Variants in HNF1A observed in about 807,000 individuals in gnomAD.
HNF1A encodes the protein HNF1 homeobox A, also known as hepatocyte nuclear factor 1-alpha.
A neutral mutation model predicts 62.2 loss-of-function variants in HNF1A; 21 were observed. The ratio of observed to expected loss-of-function variants is 0.34; its 90% CI spans 0.24 to 0.49. HNF1A has a LOEUF of 0.49. HNF1A is among the 20% of genes least tolerant of loss of function. The pLI is 0.99. For missense variants in HNF1A, 687 were observed against 832.3 expected, an observed-to-expected ratio of 0.83 and a Z score of 2.15; for synonymous variants, 374 against 366.8, an observed-to-expected ratio of 1.02 and a Z score of -0.22.
At chr12:120,994,581 T>G (rs1323828026) in intron 4 of HNF1A, among the ~76,000 whole-genome samples, 176 bp downstream of exon 4, 1 of 151,812 alleles carries the variant, frequency 6.6e-6, no homozygotes, top group African/African-American at 2.4e-5. Flanking sequence ...TCTATCTCAT[T>G]CCATTCACTC....
At chr12:120,984,245 C>T (rs182121541) in intron 1 of HNF1A, among the ~76,000 whole-genome samples, 8 of 152,194 alleles carry the variant, frequency 5.3e-5, no homozygotes, top group Admixed American at 2.6e-4. Flanking sequence ...AGCCTGTCTT[C>T]GGTTTCTAAG....
chr12:120,984,530 G>A (rs1326296843), intron 1 of HNF1A, among the ~76,000 whole-genome samples: 1 of 152,124 alleles, frequency 6.6e-6, no homozygotes, highest in Non-Finnish European at 1.5e-5. Context: ...TGGCACAGGA[G>A]GGTGATGGCT....
chr12:120,986,511 C>T (rs936517377), intron 1 of HNF1A, among the ~76,000 whole-genome samples: 1 of 152,196 alleles, frequency 6.6e-6, no homozygotes, highest in Non-Finnish European at 1.5e-5. Flanking sequence ...TCACGCAGAC[C>T]CAAGTTCAAA....
chr12:120,996,646 A>G lies in HNF1A; in HGVS notation c.1213A>G (p.Met405Val). Residue 405 changes from methionine to valine, a missense_variant, in exon 6 of 10, where the codon ATG (methionine) becomes GTG (valine). By Grantham distance (21) the Met-to-Val change is conservative (BLOSUM62 1). Transcript: ENST00000257555. This position sits in a 1 kb window ranked among gnomAD's most constrained non-coding sequence, Gnocchi z 4.5. ...GLNQQPQNLI[M>V]ASLPGVMTIG... Reference sequence around the variant, plus strand: ...CAACCAGCAGCCCCAGAACCTCATCATGGCCTCACTTCCTGGGGTCATGAC... The same window carrying G: ...CAACCAGCAGCCCCAGAACCTCATCGTGGCCTCACTTCCTGGGGTCATGAC... 6.2e-7 allele frequency: 1 copy of G among 1,613,928 alleles called. No individual in the cohort carries two copies. Among genetic ancestry groups the G allele is most frequent in the Non-Finnish European group, 8.5e-7 (1 of 1,179,980 alleles).
rs1565885615 is a variant in HNF1A, at chr12:120,993,723, G to C, written c.713+17G>C. On this transcript the variant is annotated intron_variant, in intron 3 of 9. Transcript: ENST00000257555. ...GTGCAATAGGTACAACGGCGGGCGG[G>C]AAACAGTGCTGGTTTGGTCTGGGCT... is the stretch of plus-strand genomic sequence containing the variant. 1 of 1,612,738 alleles carries C rather than the reference G, an allele frequency of 6.2e-7. No individual in the cohort carries two copies.
intron 9 of HNF1A, 123 bp from the exon 10 acceptor site, chr12:121,000,942 T>G: frequency 7.3e-7 from 1 of 1,368,266 alleles, no homozygotes; most frequent in Non-Finnish European, 1.0e-6. Flanking sequence ...TTGGGGTTCC[T>G]GTTATCTGCT....
intron 6 of HNF1A, chr12:120,997,127 T>C (rs1877150540): frequency 1.4e-6 from 2 of 1,397,382 alleles, no homozygotes; most frequent in South Asian, 1.5e-5. Flanking sequence ...GTACATAAGA[T>C]AGATAAGGAG....
chr12:120,990,722 C>T (rs887072257), intron 2 of HNF1A, among the ~76,000 whole-genome samples: 2 of 147,938 alleles, frequency 1.4e-5, no homozygotes, highest in Non-Finnish European at 3.0e-5. Context: ...AGAAAAAGAA[C>T]GAGAGAAAGA....
At chr12:120,994,780 T>G (rs1421662280) in intron 4 of HNF1A, among the ~76,000 whole-genome samples, 2 of 150,694 alleles carry the variant, frequency 1.3e-5, no homozygotes, top group Non-Finnish European at 3.0e-5. Flanking sequence ...CTCTACTCCA[T>G]CTACTACCTT....
intron 6 of HNF1A, 102 bp from the exon 7 acceptor site, chr12:120,997,372 A>C: frequency 7.2e-7 from 1 of 1,391,790 alleles, no homozygotes; most frequent in Non-Finnish European, 9.5e-7. Context: ...CCCTCCTCCA[A>C]ACCACGGGCT....
At chr12:120,992,081 CAG>C (rs1404259151) in intron 2 of HNF1A, among the ~76,000 whole-genome samples, 1 of 152,178 alleles carries the variant, frequency 6.6e-6, no homozygotes, top group African/African-American at 2.4e-5. Flanking sequence ...CTTTCAGTAA[CAG>C]GGGACAGAAC....
chr12:120,986,052 G>C (rs1235627231), intron 1 of HNF1A, among the ~76,000 whole-genome samples: 1 of 151,822 alleles, frequency 6.6e-6, no homozygotes, highest in Non-Finnish European at 1.5e-5. Context: ...AATTTACAAA[G>C]TACACAAGGA....
In HNF1A at chr12:121,001,733, A is replaced by G; in HGVS notation, c.*541A>G. 1 of 529,044 alleles carries G rather than the reference A, an allele frequency of 1.9e-6. No homozygotes were observed. The allele number at this position is 529,044 out of a possible 1,614,324, so 32.8% of individuals were successfully genotyped here. On this transcript the variant is annotated 3_prime_UTR_variant, in exon 10 of 10. Transcript: ENST00000257555. ...CCCACATGCCATTTGTACTGACCCC[A>G]TCACCTACTCACACAGGCATTTCCT...
Position 120,996,138 on chromosome 12 carries a change from C to T in HNF1A, c.956-124C>T. On this transcript the variant is annotated intron_variant, in intron 4 of 9. Transcript: ENST00000257555. The surrounding 1 kb of genome is among the most constrained non-coding windows in gnomAD (Gnocchi z 4.5). ...GTAGAAACAAAGGCAGATTTGCTGG[C>T]TGCATAAAGGCAGACAGGCAGCTGG... 1 of 1,173,628 alleles carries T rather than the reference C, an allele frequency of 8.5e-7. No homozygotes were observed. Among genetic ancestry groups the T allele is most frequent in the South Asian group, 1.3e-5 (1 of 78,710 alleles). 72.7% of individuals were successfully genotyped at this position (1,173,628 alleles called of 1,614,324 possible).
At position 120,994,316 on chromosome 12, in the gene HNF1A, C is replaced by T. The variant is rs267603343; in HGVS notation, c.866C>T (p.Pro289Leu). The T allele has an allele frequency of 5.0e-6, 8 of 1,610,226 alleles. No homozygotes were observed. Among genetic ancestry groups the T allele is most frequent in the African/African-American group, 2.7e-5 (2 of 74,862 alleles). Residue 289 changes from proline (P) to leucine (L), a missense_variant, in exon 4 of 10, where the codon CCC becomes CTC. Physicochemically the swap from Pro to Leu is moderately conservative, Grantham distance 98 (BLOSUM62 -3). Around this residue, in one of 5 missense-constraint regions of HNF1A, gnomAD observed 408 missense variants for 455.3 expected, o/e 0.90. Transcript: ENST00000257555. Reference sequence around the variant, plus strand: ...CTGGCCATGGACACGTACAGCGGGCCCCCCCCAGGGCCAGGCCCGGGACCT... The same window carrying T: ...CTGGCCATGGACACGTACAGCGGGCTCCCCCCAGGGCCAGGCCCGGGACCT... ...HKLAMDTYSG[P>L]PPGPGPGPAL...
At chr12:120,995,145 A>C (rs2135843799) in intron 4 of HNF1A, among the ~76,000 whole-genome samples, 2 of 141,032 alleles carry the variant, frequency 1.4e-5, no homozygotes, top group South Asian at 4.5e-4. Flanking sequence ...ACTACATTCA[A>C]CTCCACTCCA....
At chr12:120,994,490 TC>T in intron 4 of HNF1A, 85 bp downstream of exon 4, 2 of 1,464,906 alleles carry the variant, frequency 1.4e-6, no homozygotes, top group Non-Finnish European at 1.8e-6. Flanking sequence ...CACCTAAACC[TC>T]TTTGCACTTC....
intron 1 of HNF1A, among the ~76,000 whole-genome samples, chr12:120,984,223 T>C (rs1434079065): frequency 6.6e-6 from 1 of 152,190 alleles, no homozygotes; most frequent in Non-Finnish European, 1.5e-5. Flanking sequence ...GCTTTCCATT[T>C]TCACATTCAA....
rs1183314676 is a variant in HNF1A at position 120,978,634 on chromosome 12, G to GTGGGGT, written c.-133_-128dup. ...TGGGGGTGCCCACAGGGCTTGGCTA[G>GTGGGGT]TGGGGTTTTGGGGGGGCAGTGGGTG... On this transcript the variant is annotated 5_prime_UTR_variant, in exon 1 of 10. Coordinates refer to ENST00000257555, the MANE Select transcript of HNF1A (RefSeq NM_000545.8). 4.7e-5 allele frequency: 40 copies of GTGGGGT among 845,496 alleles called. No homozygotes were observed. The East Asian group carries it at 9.9e-4, about 21-fold the overall frequency. The allele number at this position is 845,496 out of a possible 1,614,324, so 52.4% of individuals were successfully genotyped here.
Sources: gnomAD v4.1 joint callset for allele counts (sites outside exome capture counted in the v4.1 genomes callset) on GRCh38, gnomAD v4.1.1 for gene constraint, gnomAD v4.1.1 regional missense constraint, Gnocchi (gnomAD v3.1) non-coding constraint, MANE v1.5 for transcripts, NCBI Gene and HGNC (gene_info 2026-07-23, HGNC 2026-07-21) for gene names.